The following SEMA5A variants were observed in gnomAD, a reference collection of about 807,000 sequenced individuals.
The protein encoded by SEMA5A is semaphorin-5A.
A neutral mutation model predicts 135.5 loss-of-function variants in SEMA5A; 55 were observed. The observed-to-expected ratio is 0.41, with a 90% CI of 0.33 to 0.51. The LOEUF (loss-of-function observed/expected upper bound fraction) is 0.51, where lower values mean the gene tolerates loss of function less well. Among genes scored for constraint, SEMA5A ranks in the 20% least tolerant of loss-of-function variants. The pLI is 0.37. For missense variants in SEMA5A, 1,290 were observed against 1,419.9 expected (o/e 0.91, Z 1.47); for synonymous variants, 580 against 546.5 (o/e 1.06, Z -0.85).
At chr5:9,297,198 A>G (rs1011234997) in intron 5 of SEMA5A, among the ~76,000 whole-genome samples, 1 of 152,146 alleles carries the variant, frequency 6.6e-6, no homozygotes, top group African/African-American at 2.4e-5. Flanking sequence ...ATACACATAC[A>G]TATGTATATA....
At chr5:9,440,378 A>T (rs1004696200) in intron 1 of SEMA5A, among the ~76,000 whole-genome samples, 9 of 152,244 alleles carry the variant, frequency 5.9e-5, no homozygotes, top group African/African-American at 2.2e-4. Context: ...CTACCCATTT[A>T]ATAAGAAACT....
chr5:9,123,216 A>G (rs1232742947), intron 13 of SEMA5A, among the ~76,000 whole-genome samples: 1 of 130,660 alleles, frequency 7.7e-6, no homozygotes, highest in Non-Finnish European at 1.6e-5. Context: ...CCGAGATCGC[A>G]CCACTGCACT....
At chr5:9,457,605 G>A (rs999339483) in intron 1 of SEMA5A, among the ~76,000 whole-genome samples, 1 of 152,088 alleles carries the variant, frequency 6.6e-6, no homozygotes, top group Non-Finnish European at 1.5e-5. Flanking sequence ...GTGCCTCCTT[G>A]CTTAATATAA....
chr5:9,223,946 T>A (rs757775859), intron 8 of SEMA5A, among the ~76,000 whole-genome samples: 2 of 152,078 alleles, frequency 1.3e-5, no homozygotes, highest in Non-Finnish European at 2.9e-5. Context: ...CTTCTAAGGG[T>A]TTCTGGTTTC....
chr5:9,330,401 A>AC (rs1209406957), intron 4 of SEMA5A, among the ~76,000 whole-genome samples: 1 of 148,722 alleles, frequency 6.7e-6, no homozygotes, highest in East Asian at 2.0e-4. Flanking sequence ...AAAAAAAAAA[A>AC]AAAAGTACAG....
At chr5:9,097,576 G>A (rs199683058) in intron 16 of SEMA5A, among the ~76,000 whole-genome samples, 1 of 152,158 alleles carries the variant, frequency 6.6e-6, no homozygotes, top group African/African-American at 2.4e-5. Flanking sequence ...TCTGCAATAT[G>A]GAACCTACAA....
chr5:9,052,743 G>A (rs1048741464), intron 19 of SEMA5A, among the ~76,000 whole-genome samples: 3 of 151,584 alleles, frequency 2.0e-5, no homozygotes, highest in African/African-American at 7.3e-5. Flanking sequence ...TAGGATGTGT[G>A]AAATTCACCC....
chr5:9,135,003 C>T (rs1219005032), intron 13 of SEMA5A, among the ~76,000 whole-genome samples: 1 of 152,024 alleles, frequency 6.6e-6, no homozygotes, highest in African/African-American at 2.4e-5. Flanking sequence ...GTTAAATAAT[C>T]ATGAGGACCC....
intron 1 of SEMA5A, among the ~76,000 whole-genome samples, chr5:9,454,178 G>T (rs1342867729): frequency 6.6e-6 from 1 of 152,204 alleles, no homozygotes; most frequent in Non-Finnish European, 1.5e-5. Flanking sequence ...GGGACGACAG[G>T]CTGGTGGCCA....
intron 5 of SEMA5A, among the ~76,000 whole-genome samples, chr5:9,272,694 C>A (rs74938207): frequency 1.3e-5 from 2 of 152,200 alleles, no homozygotes; most frequent in South Asian, 4.1e-4. Flanking sequence ...TATTCTGCAG[C>A]CTTCGCTGGT....
rs778546225 is a variant in SEMA5A at position 9,226,990 on chromosome 5, A to T, written c.334-23T>A. 5 of 1,246,488 alleles carry T rather than the reference A, an allele frequency of 4.0e-6. No homozygotes were observed. In the South Asian group the frequency reaches 7.7e-5, roughly 19 times the overall value. 77.2% of individuals were successfully genotyped at this position (1,246,488 alleles called of 1,614,324 possible). A position where few individuals can be genotyped will look rare whatever the true frequency, so the allele number is the denominator to read the frequency against. Reference sequence around the variant, plus strand: ...CTCCTGAGGGAAAATAAATAAATTAATTAAAAATATATATATATATGTATA... The same window carrying T: ...CTCCTGAGGGAAAATAAATAAATTATTTAAAAATATATATATATATGTATA... On this transcript the variant is annotated intron_variant, in intron 6 of 22. Transcript: ENST00000382496.
Position 9,204,856 on chromosome 5 carries a change from A to T in SEMA5A, c.647-2616T>A, listed in dbSNP as rs752487726. On this transcript the variant is annotated intron_variant, in intron 8 of 22. Transcript: ENST00000382496. This position sits in a 1 kb window ranked among gnomAD's most constrained non-coding sequence, Gnocchi z 6.4. Reference sequence around the variant, plus strand: ...CTCCCGTCAGATCAGTGGCAGCATTAAATTCTCATAGGAGCAGGAACCCTA... The same window carrying T: ...CTCCCGTCAGATCAGTGGCAGCATTTAATTCTCATAGGAGCAGGAACCCTA... Among the ~76,000 whole-genome samples the T allele has an allele frequency of 2.6e-5, 4 of 152,268 alleles. No individual in the cohort carries two copies. Among genetic ancestry groups the T allele is most frequent in the Non-Finnish European group, 5.9e-5 (4 of 68,016 alleles).
At chr5:9,197,381 C>G in intron 9 of SEMA5A, 78 bp from the exon 10 acceptor site, 1 of 1,522,224 alleles carries the variant, frequency 6.6e-7, no homozygotes, top group East Asian at 2.3e-5. Context: ...GACTGGGCAG[C>G]AGCTGTGACC....
intron 9 of SEMA5A, among the ~76,000 whole-genome samples, chr5:9,198,544 C>T (rs1278964519): frequency 6.6e-6 from 1 of 152,140 alleles, no homozygotes; most frequent in Non-Finnish European, 1.5e-5. Flanking sequence ...GTAAACACAT[C>T]CTTATGGAAA....
In SEMA5A at chr5:9,126,475, T is replaced by C. The variant is rs570415325; in HGVS notation, c.1600-3638A>G. On this transcript the variant is annotated intron_variant, in intron 13 of 22. Transcript: ENST00000382496. The stretch of plus-strand genomic sequence containing the variant: ...CTGTTCATCCTTAGCCTCACTTCTC[T>C]ATGAAGGTGTAACAGCTCCAAGAGT... Among the ~76,000 whole-genome samples the C allele has an allele frequency of 3.3e-5, 5 of 151,572 alleles. 1 individual carries two copies. The highest frequency in any genetic ancestry group is 9.7e-5 in the African/African-American group (4 of 41,268).
Position 9,545,103 on chromosome 5 carries a change from C to T in SEMA5A, c.-175+481G>A, listed in dbSNP as rs1348657108. Among the ~76,000 whole-genome samples, 1 of 152,196 alleles carries T rather than the reference C, an allele frequency of 6.6e-6. No individual in the cohort carries two copies. Among genetic ancestry groups the T allele is most frequent in the African/African-American group, 2.4e-5 (1 of 41,460 alleles). On this transcript the variant is annotated intron_variant, in intron 1 of 22. Transcript: ENST00000382496. The surrounding 1 kb of genome is among the most constrained non-coding windows in gnomAD (Gnocchi z 4.5). ...CAAGTCCCATTGCCTCCCGGTTCCC[C>T]TGTAAGGAAAGCAGGAAAACCTGCC...
chr5:9,262,960 AAT>A lies in SEMA5A; in HGVS notation c.271-25072_271-25071del, dbSNP rs1398782469. 9.8e-3 allele frequency among the ~76,000 whole-genome samples: 1,462 copies of A among 149,166 alleles called. 14 individuals are homozygous for A. The highest frequency in any genetic ancestry group is 0.03 in the African/African-American group (1,240 of 40,810). ...TTATAAAATAAAATATTTTCGAAAA[AAT>A]AAAAATAAAAATAAAATTTTAAATA... is the stretch of plus-strand genomic sequence containing the variant. On this transcript the variant is annotated intron_variant, in intron 5 of 22. Transcript: ENST00000382496.
Position 9,491,826 on chromosome 5 carries a change from A to G in SEMA5A, c.-175+53758T>C, listed in dbSNP as rs77618387. Among the ~76,000 whole-genome samples the G allele has an allele frequency of 1.1e-4, 16 of 152,334 alleles. No individual in the cohort carries two copies. In the East Asian group the frequency reaches 2.9e-3, roughly 28 times the overall value. Reference sequence around the variant, plus strand: ...TGAAGGTAAACCTGGTAGTCCTACAATCATGAGTGGATATTCTTATTCAAT... The same window carrying G: ...TGAAGGTAAACCTGGTAGTCCTACAGTCATGAGTGGATATTCTTATTCAAT... On this transcript the variant is annotated intron_variant, in intron 1 of 22. Transcript: ENST00000382496.
At chr5:9,283,954 C>T (rs934132024) in intron 5 of SEMA5A, among the ~76,000 whole-genome samples, 4 of 151,882 alleles carry the variant, frequency 2.6e-5, no homozygotes, top group Admixed American at 6.6e-5. Flanking sequence ...TACATCTCCA[C>T]GCATGTGATA....
Sources: gnomAD v4.1 joint callset for allele counts (sites outside exome capture counted in the v4.1 genomes callset) on GRCh38, gnomAD v4.1.1 for gene constraint, Gnocchi (gnomAD v3.1) non-coding constraint, MANE v1.5 for transcripts, NCBI Gene and HGNC (gene_info 2026-07-23, HGNC 2026-07-21) for gene names.